Variants in EPHB1 observed in about 807,000 individuals in gnomAD.
EPHB1 encodes EPH receptor B1.
EPHB1 carries 30 observed loss-of-function variants against 94.4 expected under a neutral mutation model. That is an observed-to-expected ratio of 0.32 (90% confidence interval 0.24 to 0.43). The LOEUF (loss-of-function observed/expected upper bound fraction) is 0.43. EPHB1 is among the 20% of genes least tolerant of loss of function. EPHB1 has a pLI of 1.00. For synonymous variants in EPHB1, 522 were observed against 489.1 expected (o/e 1.07, Z -0.89); for missense variants, 1,055 against 1,308.3 (o/e 0.81, Z 2.99).
At chr3:134,992,478 G>A (rs1043193745) in intron 3 of EPHB1, among the ~76,000 whole-genome samples, 9 of 152,214 alleles carry the variant, frequency 5.9e-5, no homozygotes, top group Non-Finnish European at 1.3e-4. Context: ...GAGAAAAAGA[G>A]GTTGAAGCAA....
chr3:135,255,789 C>A (rs1398681751), intron 15 of EPHB1, among the ~76,000 whole-genome samples: 1 of 146,120 alleles, frequency 6.8e-6, no homozygotes, highest in Non-Finnish European at 1.5e-5. Flanking sequence ...CTTTCTGTCT[C>A]ATTGATCTGT....
At chr3:134,822,739 T>A (rs1255677774) in intron 1 of EPHB1, among the ~76,000 whole-genome samples, 1 of 152,216 alleles carries the variant, frequency 6.6e-6, no homozygotes, top group Non-Finnish European at 1.5e-5. Context: ...TATTTTAAAA[T>A]AGCATTCTTT....
intron 3 of EPHB1, among the ~76,000 whole-genome samples, chr3:135,043,769 C>T (rs1379794295): frequency 6.6e-6 from 1 of 152,212 alleles, no homozygotes; most frequent in Non-Finnish European, 1.5e-5. Flanking sequence ...ACGGATGACA[C>T]CTTCACAAAT....
At chr3:135,255,370 C>T (rs932316794) in intron 15 of EPHB1, among the ~76,000 whole-genome samples, 4 of 148,314 alleles carry the variant, frequency 2.7e-5, no homozygotes, top group Admixed American at 6.7e-5. Context: ...ATAAATTTCC[C>T]TCTACACACT....
At chr3:135,090,052 A>G (rs1476403453) in intron 3 of EPHB1, among the ~76,000 whole-genome samples, 2 of 152,236 alleles carry the variant, frequency 1.3e-5, no homozygotes, top group South Asian at 4.1e-4. Context: ...TAAGGAGGAC[A>G]TAGTGCACTC....
intron 12 of EPHB1, among the ~76,000 whole-genome samples, chr3:135,207,726 A>G (rs1362563917): frequency 6.6e-6 from 1 of 152,230 alleles, no homozygotes; most frequent in East Asian, 1.9e-4. Context: ...CACACCCTGG[A>G]TGGCTTAAAC....
chr3:134,875,041 C>T (rs1197981459), intron 1 of EPHB1, among the ~76,000 whole-genome samples: 2 of 152,128 alleles, frequency 1.3e-5, no homozygotes, highest in Non-Finnish European at 2.9e-5. Context: ...GCATCACTTC[C>T]GGGGTACTTT....
At chr3:135,132,158 A>G (rs894006267) in intron 4 of EPHB1, among the ~76,000 whole-genome samples, 4 of 152,142 alleles carry the variant, frequency 2.6e-5, no homozygotes, top group African/African-American at 7.2e-5. Flanking sequence ...AGCTGGTCCA[A>G]TGTAAATATA....
In EPHB1 at chr3:134,894,617, A is replaced by G. The variant is rs76775703; in HGVS notation, c.59-31199A>G. Among the ~76,000 whole-genome samples the G allele has an allele frequency of 5.2e-3, 796 of 152,304 alleles. 3 individuals carry two copies. Among genetic ancestry groups the G allele is most frequent in the African/African-American group, 0.018 (763 of 41,554 alleles). Reference sequence around the variant, plus strand: ...CTGACAAGTGAAAGAGGGCTCTGGAAGAACAATGGGGAGGTTCAGTTCAGA... The same window carrying G: ...CTGACAAGTGAAAGAGGGCTCTGGAGGAACAATGGGGAGGTTCAGTTCAGA... On this transcript the variant is annotated intron_variant, in intron 1 of 15. Coordinates refer to ENST00000398015, the MANE Select transcript of EPHB1 (RefSeq NM_004441.5).
At chr3:135,221,792 A>T (rs1943283986) in intron 12 of EPHB1, among the ~76,000 whole-genome samples, 1 of 152,210 alleles carries the variant, frequency 6.6e-6, no homozygotes, top group Non-Finnish European at 1.5e-5. Context: ...ATTGTTTTGA[A>T]ATTCTTTAAG....
At chr3:134,980,902 G>A (rs1423300399) in intron 3 of EPHB1, among the ~76,000 whole-genome samples, 1 of 152,120 alleles carries the variant, frequency 6.6e-6, no homozygotes, top group Non-Finnish European at 1.5e-5. Context: ...CAGAATAAAG[G>A]TACTAGGAAC....
intron 1 of EPHB1, among the ~76,000 whole-genome samples, chr3:134,917,050 A>G (rs945847835): frequency 1.3e-5 from 2 of 152,232 alleles, no homozygotes; most frequent in African/African-American, 2.4e-5. Flanking sequence ...TCCATATTTT[A>G]TTAGTGAAAA....
intron 4 of EPHB1, among the ~76,000 whole-genome samples, chr3:135,107,887 T>G (rs1939282443): frequency 6.6e-6 from 1 of 152,208 alleles, no homozygotes. Context: ...TGATTGTTTC[T>G]GCTGACCAGA....
At chr3:135,155,055 G>A (rs373176257) in intron 6 of EPHB1, among the ~76,000 whole-genome samples, 6 of 152,172 alleles carry the variant, frequency 3.9e-5, no homozygotes, top group Admixed American at 1.3e-4. Context: ...ACTATTCTAG[G>A]ATATATTAGT....
intron 11 of EPHB1, 143 bp downstream of exon 11, chr3:135,192,966 T>C: frequency 1.7e-6 from 2 of 1,204,274 alleles, no homozygotes; most frequent in Non-Finnish European, 2.3e-6. Context: ...CAGAGATTTG[T>C]TGCTAAAAGA....
chr3:135,033,111 G>A (rs1260839282), intron 3 of EPHB1, among the ~76,000 whole-genome samples: 1 of 152,144 alleles, frequency 6.6e-6, no homozygotes, highest in Admixed American at 6.5e-5. Flanking sequence ...CTAGCACTAG[G>A]AGCAGTGACC....
At chr3:135,021,672 C>T (rs910223895) in intron 3 of EPHB1, among the ~76,000 whole-genome samples, 3 of 151,938 alleles carry the variant, frequency 2.0e-5, no homozygotes, top group Non-Finnish European at 4.4e-5. Flanking sequence ...TTTCTTATTG[C>T]CCTGGTCTGA....
chr3:134,973,406 T>G (rs1231500333), intron 3 of EPHB1, among the ~76,000 whole-genome samples: 1 of 148,840 alleles, frequency 6.7e-6, no homozygotes, highest in African/African-American at 2.5e-5. Context: ...GCAGAAGCAC[T>G]CCTTGTCTGT....
chr3:135,157,435 A>T (rs561441613), intron 6 of EPHB1, among the ~76,000 whole-genome samples: 3 of 152,260 alleles, frequency 2.0e-5, no homozygotes, highest in South Asian at 4.1e-4. Context: ...AATTAACCTC[A>T]ACTTTTTATG....
Sources: allele counts gnomAD v4.1 joint callset (sites outside exome capture counted in the v4.1 genomes callset), GRCh38; gene constraint gnomAD v4.1.1; transcripts MANE v1.5; gene names NCBI Gene and HGNC (gene_info 2026-07-23, HGNC 2026-07-21).